The following SEMA6D variants were observed in gnomAD, a reference collection of about 807,000 sequenced individuals.
The protein encoded by SEMA6D is semaphorin 6D.
A neutral mutation model predicts 106.6 loss-of-function variants in SEMA6D; 35 were observed. That is an observed-to-expected ratio of 0.33 (90% CI 0.25 to 0.44). The LOEUF (loss-of-function observed/expected upper bound fraction) is 0.44. SEMA6D is among the 20% of genes least tolerant of loss of function. SEMA6D has a pLI of 1.00. For missense variants in SEMA6D, 1,185 were observed against 1,345.9 expected (o/e 0.88, Z 1.87); for synonymous variants, 499 against 487.7 (o/e 1.02, Z -0.31).
intron 1 of SEMA6D, among the ~76,000 whole-genome samples, chr15:47,748,504 A>G (rs1475829298): frequency 6.6e-6 from 1 of 152,218 alleles, no homozygotes; most frequent in Non-Finnish European, 1.5e-5. Flanking sequence ...CAATGGAAGT[A>G]TTTATACAAT....
chr15:47,515,410 CTCCACCAGG>C (rs2044358011), intron 3 of SEMA6D, among the ~76,000 whole-genome samples: 1 of 152,198 alleles, frequency 6.6e-6, no homozygotes. Context: ...TGAAAGTCAA[CTCCACCAGG>C]ACATTCAGTG....
At chr15:47,268,780 G>A (rs112591928) in intron 1 of SEMA6D, among the ~76,000 whole-genome samples, 1 of 152,132 alleles carries the variant, frequency 6.6e-6, no homozygotes, top group Non-Finnish European at 1.5e-5. Context: ...GTGGGTTGAT[G>A]TTGGGGCCAG....
intron 1 of SEMA6D, among the ~76,000 whole-genome samples, chr15:47,230,014 A>C (rs2032079512): frequency 6.6e-6 from 1 of 152,078 alleles, no homozygotes; most frequent in Non-Finnish European, 1.5e-5. Context: ...TTCATTGTTT[A>C]TTATCTGAAA....
In SEMA6D at chr15:47,545,799, A is replaced by G. The variant is rs369590005; in HGVS notation, c.-86-55066A>G. Among the ~76,000 whole-genome samples the G allele has an allele frequency of 9.9e-5, 15 of 152,216 alleles. 1 individual carries two copies. In the East Asian group the frequency reaches 2.5e-3, roughly 25 times the overall value. ...TGGAATGAACATCTGAGGACATTCT[A>G]TTTTGTTCCAGTTTAGATTTTGTCT... On this transcript the variant is annotated intron_variant, in intron 3 of 19. Coordinates refer to the SEMA6D transcript ENST00000558014.
chr15:47,407,139 A>T (rs2040602682), intron 1 of SEMA6D, among the ~76,000 whole-genome samples: 1 of 152,126 alleles, frequency 6.6e-6, no homozygotes, highest in Non-Finnish European at 1.5e-5. Flanking sequence ...TGAGGCAGGC[A>T]AATTACCTGA....
intron 2 of SEMA6D, among the ~76,000 whole-genome samples, chr15:47,456,789 G>A (rs569239125): frequency 3.3e-5 from 5 of 152,060 alleles, no homozygotes; most frequent in Admixed American, 1.3e-4. Context: ...AACAGATGGC[G>A]GTAGTCCCCC....
intron 2 of SEMA6D, among the ~76,000 whole-genome samples, chr15:47,467,194 A>T (rs1391672108): frequency 2.0e-5 from 3 of 152,146 alleles, no homozygotes; most frequent in African/African-American, 7.2e-5. Flanking sequence ...TGAGTTATCC[A>T]TATCAATGTA....
intron 1 of SEMA6D, among the ~76,000 whole-genome samples, chr15:47,356,607 G>C (rs2038583162): frequency 6.6e-6 from 1 of 152,004 alleles, no homozygotes; most frequent in Non-Finnish European, 1.5e-5. Flanking sequence ...GTGTGTCATA[G>C]GATATGAGGG....
chr15:47,620,000 T>C (rs2077070613), intron 4 of SEMA6D, among the ~76,000 whole-genome samples: 1 of 152,164 alleles, frequency 6.6e-6, no homozygotes, highest in South Asian at 2.1e-4. Flanking sequence ...AGGATGTGAC[T>C]GAAAGGATGT....
intron 1 of SEMA6D, among the ~76,000 whole-genome samples, chr15:47,356,157 A>G (rs1448430567): frequency 1.3e-5 from 2 of 152,088 alleles, no homozygotes; most frequent in African/African-American, 4.8e-5. Flanking sequence ...TTTTTTAAAT[A>G]TTCATTTGAG....
intron 1 of SEMA6D, among the ~76,000 whole-genome samples, chr15:47,746,982 G>A (rs541791): frequency 0.45 from 39,648 of 88,572 alleles, 7,110 homozygotes; most frequent in Middle Eastern, 0.61. Flanking sequence ...GTGTGTGTGT[G>A]TGTATATATA....
At position 47,772,057 on chromosome 15, in the gene SEMA6D, T is replaced by G. The variant is rs1421827070; in HGVS notation, c.*272T>G. On this transcript the variant is annotated 3_prime_UTR_variant, in exon 19 of 19. Transcript: ENST00000536845. ...AGATGTGTAGCTCACAGGGGCTACC[T>G]TACCAGTATAAAGAGCTGATAACAG... The G allele has an allele frequency of 4.6e-6, 2 of 435,782 alleles. No individual in the cohort carries two copies. Among genetic ancestry groups the G allele is most frequent in the East Asian group, 7.3e-5 (2 of 27,336 alleles). 27.0% of individuals were successfully genotyped at this position (435,782 alleles called of 1,614,324 possible).
At chr15:47,474,639 T>C (rs1304366425) in intron 3 of SEMA6D, among the ~76,000 whole-genome samples, 1 of 152,248 alleles carries the variant, frequency 6.6e-6, no homozygotes, top group African/African-American at 2.4e-5. Context: ...ATTTAACACC[T>C]ACGCAAGTTG....
At chr15:47,369,176 T>C (rs1409363344) in intron 1 of SEMA6D, among the ~76,000 whole-genome samples, 3 of 152,176 alleles carry the variant, frequency 2.0e-5, no homozygotes, top group Non-Finnish European at 4.4e-5. Context: ...CTGGTCGTAA[T>C]CTAGAACTGG....
chr15:47,189,474 CAAAT>C (rs1291606768), intron 1 of SEMA6D, among the ~76,000 whole-genome samples: 3 of 151,804 alleles, frequency 2.0e-5, no homozygotes, highest in Non-Finnish European at 4.4e-5. Context: ...CAGGGAGAAA[CAAAT>C]AAAATGAAGC....
At chr15:47,274,879 A>G (rs2034727903) in intron 1 of SEMA6D, 1 of 152,202 alleles carries the variant, frequency 6.6e-6, no homozygotes, top group South Asian at 2.1e-4. Context: ...GAAGATAAGG[A>G]ATCATTACCT....
chr15:47,362,999 G>A (rs2038869323), intron 1 of SEMA6D, among the ~76,000 whole-genome samples: 1 of 152,002 alleles, frequency 6.6e-6, no homozygotes, highest in African/African-American at 2.4e-5. Flanking sequence ...GCCCTTTATA[G>A]CTGGTCAAGT....
intron 1 of SEMA6D, among the ~76,000 whole-genome samples, chr15:47,724,335 A>G (rs897431910): frequency 6.6e-6 from 1 of 152,230 alleles, no homozygotes; most frequent in Non-Finnish European, 1.5e-5. Flanking sequence ...CCCAAAGAGG[A>G]GCATCACACA....
intron 1 of SEMA6D, chr15:47,272,866 G>A (rs2034619049): frequency 6.6e-6 from 1 of 152,200 alleles, no homozygotes; most frequent in Non-Finnish European, 1.5e-5. Flanking sequence ...AATTTGCTTT[G>A]CTGGAAATTT....
Sources: gnomAD v4.1 joint callset for allele counts (sites outside exome capture counted in the v4.1 genomes callset) on GRCh38, gnomAD v4.1.1 for gene constraint, MANE v1.5 for transcripts, NCBI Gene and HGNC (gene_info 2026-07-23, HGNC 2026-07-21) for gene names.